The following DNAH17 variants were observed in gnomAD, a reference collection of about 807,000 sequenced individuals.
The protein encoded by DNAH17 is dynein axonemal heavy chain 17, also known as axonemal beta dynein heavy chain 17.
DNAH17 carries 376 observed loss-of-function variants against 485.6 expected under a neutral mutation model. That is an observed-to-expected ratio of 0.77 (90% CI 0.71 to 0.84). The LOEUF (loss-of-function observed/expected upper bound fraction) is 0.84, where lower values mean the gene tolerates loss of function less well. Among genes scored for constraint, DNAH17 ranks in the 40% least tolerant of loss-of-function variants. The pLI is 0.00. For missense variants in DNAH17, 6,370 were observed against 5,839.3 expected, an observed-to-expected ratio of 1.09 and a Z score of -2.96; for synonymous variants, 3,031 against 2,405.9, an observed-to-expected ratio of 1.26 and a Z score of -7.60.
intron 16 of DNAH17, among the ~76,000 whole-genome samples, chr17:78,547,260 G>T (rs2091788593): frequency 6.6e-6 from 1 of 152,092 alleles, no homozygotes; most frequent in Non-Finnish European, 1.5e-5. Context: ...CTCAGGAAGG[G>T]TATCCAAATG....
Position 78,434,170 on chromosome 17 carries a change from G to A in DNAH17, c.12084C>T (p.Phe4028=), listed in dbSNP as rs761965870. ...CCACAGCGTGGAAGTAGCACAGGGC[G>A]AAGAGCATGCACTTGAACTCCATCT... ...TKEMEFKCML[F]ALCYFHAVVA... is the part of the protein sequence containing the mutation. Residue 4028 remains phenylalanine, a synonymous_variant, in exon 75 of 81, where the codon TTC becomes TTT. Coordinates refer to ENST00000389840, the MANE Select transcript of DNAH17 (RefSeq NM_173628.4). 8.1e-5 allele frequency: 131 copies of A among 1,613,370 alleles called. No individual in the cohort carries two copies. The highest frequency in any genetic ancestry group is 1.3e-4 in the Admixed American group (8 of 59,978).
At chr17:78,448,336 T>TA (rs1394121958) in intron 69 of DNAH17, among the ~76,000 whole-genome samples, 2 of 151,796 alleles carry the variant, frequency 1.3e-5, no homozygotes, top group African/African-American at 4.8e-5. Flanking sequence ...TTGTCTCTAC[T>TA]AAAAAATAAA....
chr17:78,540,313 G>C (rs2091487959), intron 17 of DNAH17, among the ~76,000 whole-genome samples: 3 of 145,174 alleles, frequency 2.1e-5, no homozygotes, highest in African/African-American at 7.8e-5. Flanking sequence ...CTCAGCAGTA[G>C]GCCTAGCACA....
chr17:78,563,142 G>A (rs766158273), intron 11 of DNAH17, among the ~76,000 whole-genome samples: 7 of 152,230 alleles, frequency 4.6e-5, no homozygotes, highest in South Asian at 2.1e-4. Flanking sequence ...GCAAGATTGC[G>A]GCTATTTTTA....
Position 78,505,391 on chromosome 17 carries a change from G to A in DNAH17, c.4858C>T (p.Leu1620Phe). ...TTGAGAGGTTTGTCACTGGCATCGAGCCGGAACTTCAGTTTACACAGGCTA... is the reference window on the plus strand; with the variant it reads ...TTGAGAGGTTTGTCACTGGCATCGAACCGGAACTTCAGTTTACACAGGCTA... The part of the protein sequence containing the change: ...FDSLCKLKFR[L>F]DASDKPLKVG... Residue 1620 changes from leucine (L) to phenylalanine (F), a missense_variant, in exon 31 of 81, where the codon CTC becomes TTC. Coordinates refer to ENST00000389840, the MANE Select transcript of DNAH17 (RefSeq NM_173628.4). The A allele has an allele frequency of 6.2e-7, 1 of 1,614,004 alleles. No homozygotes were observed. Among genetic ancestry groups the A allele is most frequent in the Non-Finnish European group, 8.5e-7 (1 of 1,179,894 alleles).
chr17:78,557,109 G>A (rs1055043679), intron 14 of DNAH17, among the ~76,000 whole-genome samples: 1 of 152,132 alleles, frequency 6.6e-6, no homozygotes, highest in Admixed American at 6.5e-5. Context: ...GATGGTGCCA[G>A]GAATCAAGGC....
chr17:78,523,203 T>C (rs939552983), intron 25 of DNAH17, among the ~76,000 whole-genome samples: 1 of 151,958 alleles, frequency 6.6e-6, no homozygotes, highest in Non-Finnish European at 1.5e-5. Context: ...TCCCCCAGGC[T>C]GGAGTGTGAT....
At chr17:78,535,899 A>T (rs564465144) in intron 19 of DNAH17, among the ~76,000 whole-genome samples, 2 of 152,304 alleles carry the variant, frequency 1.3e-5, no homozygotes, top group African/African-American at 4.8e-5. Context: ...ACAAACATTT[A>T]GGTCACTTAA....
intron 56 of DNAH17, 21 bp downstream of exon 56, chr17:78,466,634 G>A (rs1457708555): frequency 6.3e-7 from 1 of 1,594,544 alleles, no homozygotes; most frequent in Non-Finnish European, 8.5e-7. Flanking sequence ...CACTCAGGCA[G>A]AGGTGGCCTC....
chr17:78,510,750 G>GCCCCCCCCCCC (rs2090612882), intron 26 of DNAH17: 1 of 306,160 alleles, frequency 3.3e-6, no homozygotes, highest in African/African-American at 5.6e-5. Context: ...GCGGAATTGC[G>GCCCCCCCCCCC]GCCCCCCCGC....
In DNAH17 at chr17:78,484,749, C is replaced by G. The variant is rs2089517549; in HGVS notation, c.7649+119G>C. On this transcript the variant is annotated intron_variant, in intron 48 of 80. Transcript: ENST00000389840. Reference sequence around the variant, plus strand: ...TACCCACGTTGCAGCACCCCCCCCACCGCCCCACACCAGTCCTGCCCTACT... The same window carrying G: ...TACCCACGTTGCAGCACCCCCCCCAGCGCCCCACACCAGTCCTGCCCTACT... The G allele has an allele frequency of 8.6e-6, 4 of 467,226 alleles. 1 individual carries two copies. Among genetic ancestry groups the G allele is most frequent in the Non-Finnish European group, 1.3e-5 (4 of 306,740 alleles). 28.9% of individuals were successfully genotyped at this position (467,226 alleles called of 1,614,324 possible). A position where few individuals can be genotyped will look rare whatever the true frequency, so the allele number is the denominator to read the frequency against.
At chr17:78,571,502 T>C (rs2092356995) in intron 4 of DNAH17, 88 bp downstream of exon 4, 1 of 1,531,102 alleles carries the variant, frequency 6.5e-7, no homozygotes, top group Non-Finnish European at 9.0e-7. Context: ...TCAGGACTCC[T>C]GGGAGGTTGG....
intron 18 of DNAH17, among the ~76,000 whole-genome samples, chr17:78,538,459 A>G (rs972620848): frequency 6.6e-6 from 1 of 152,198 alleles, no homozygotes; most frequent in African/African-American, 2.4e-5. Context: ...CTCCCCCTGA[A>G]TGAGTCCCCA....
intron 44 of DNAH17, among the ~76,000 whole-genome samples, chr17:78,487,910 G>A (rs531864654): frequency 2.0e-4 from 31 of 152,248 alleles, no homozygotes; most frequent in African/African-American, 6.5e-4. Context: ...AGAGCTGAAC[G>A]TCTTTGCCGC....
intron 19 of DNAH17, 77 bp downstream of exon 19, chr17:78,537,222 G>T: frequency 7.0e-7 from 1 of 1,419,492 alleles, no homozygotes; most frequent in Non-Finnish European, 9.5e-7. Flanking sequence ...GCGAAGCCTT[G>T]CCGAGTTAGG....
intron 22 of DNAH17, among the ~76,000 whole-genome samples, chr17:78,528,027 C>T (rs2091123682): frequency 6.6e-6 from 1 of 152,068 alleles, no homozygotes; most frequent in African/African-American, 2.4e-5. Flanking sequence ...AATCTGCCCG[C>T]CTCGGCCTCC....
chr17:78,425,644 T>G, intron 79 of DNAH17, 73 bp from the exon 80 acceptor site: 1 of 1,376,754 alleles, frequency 7.3e-7, no homozygotes, highest in Non-Finnish European at 9.8e-7. Context: ...TTGGCCGTTC[T>G]GAGCAGGGGT....
At position 78,428,718 on chromosome 17, in the gene DNAH17, G is replaced by C; in HGVS notation, c.12406-11C>G. The stretch of plus-strand genomic sequence containing the variant: ...GTATTCGTGGTAACCCTGAAAAAGA[G>C]GGCAGTTTGTAAGCAGAGGCAAAGC... On this transcript the variant is annotated splice_polypyrimidine_tract_variant and intron_variant, in intron 76 of 80. Transcript: ENST00000389840. 6.2e-7 allele frequency: 1 copy of C among 1,612,736 alleles called. No homozygotes were observed. Among genetic ancestry groups the C allele is most frequent in the Non-Finnish European group, 8.5e-7 (1 of 1,178,930 alleles).
intron 11 of DNAH17, among the ~76,000 whole-genome samples, chr17:78,565,759 G>A (rs2092253845): frequency 6.6e-6 from 1 of 152,198 alleles, no homozygotes; most frequent in Non-Finnish European, 1.5e-5. Context: ...TTCGAGACCA[G>A]CCCAACATGG....
Sources: gnomAD v4.1 joint callset for allele counts (sites outside exome capture counted in the v4.1 genomes callset) on GRCh38, gnomAD v4.1.1 for gene constraint, MANE v1.5 for transcripts, NCBI Gene and HGNC (gene_info 2026-07-23, HGNC 2026-07-21) for gene names.